Variants in XYLT1 observed in about 807,000 individuals in gnomAD.
XYLT1 encodes the protein xylosyltransferase 1.
A neutral mutation model predicts 91.3 loss-of-function variants in XYLT1; 36 were observed. The ratio of observed to expected loss-of-function variants is 0.39; its 90% CI spans 0.30 to 0.52. The LOEUF (loss-of-function observed/expected upper bound fraction) is 0.52. Ranked by LOEUF, XYLT1 falls within the 20% of genes least tolerant of loss-of-function variation. XYLT1 has a pLI of 0.68. For missense variants in XYLT1, 1,242 were observed against 1,284.5 expected, an observed-to-expected ratio of 0.97 and a Z score of 0.51; for synonymous variants, 588 against 532.0, an observed-to-expected ratio of 1.11 and a Z score of -1.45.
chr16:17,235,550 C>T (rs374339639), intron 3 of XYLT1, among the ~76,000 whole-genome samples: 4 of 152,228 alleles, frequency 2.6e-5, no homozygotes, highest in East Asian at 1.9e-4. Flanking sequence ...CTTGTATGCA[C>T]GAAAGGGACT....
intron 1 of XYLT1, among the ~76,000 whole-genome samples, chr16:17,429,334 C>T (rs1258360395): frequency 6.6e-6 from 1 of 152,226 alleles, no homozygotes; most frequent in Non-Finnish European, 1.5e-5. Flanking sequence ...ACCTGTTGAA[C>T]TGCTGATGAG....
rs560630621 is a variant in XYLT1, at chr16:17,145,078, G to A, written c.1371-3709C>T. Among the ~76,000 whole-genome samples the A allele has an allele frequency of 4.6e-5, 7 of 152,276 alleles. No individual in the cohort carries two copies. The South Asian group carries it at 1.2e-3, about 27-fold the overall frequency. On this transcript the variant is annotated intron_variant, in intron 6 of 11. Transcript: ENST00000261381. ...CATCAGTCTGTCTTCTGCCTCTATGGATTTACCAATTCTAGATATTTCATA... is the reference window on the plus strand; with the variant it reads ...CATCAGTCTGTCTTCTGCCTCTATGAATTTACCAATTCTAGATATTTCATA...
At chr16:17,337,775 CTTTTTCT>C (rs1280774938) in intron 2 of XYLT1, among the ~76,000 whole-genome samples, 9 of 114,192 alleles carry the variant, frequency 7.9e-5, no homozygotes, top group East Asian at 2.2e-4. Flanking sequence ...CACATTTTTT[CTTTTTCT>C]TTTTTTTTTT....
At chr16:17,128,880 G>A (rs893873139) in intron 9 of XYLT1, among the ~76,000 whole-genome samples, 1 of 152,086 alleles carries the variant, frequency 6.6e-6, no homozygotes, top group African/African-American at 2.4e-5. Flanking sequence ...TTTATAAGGC[G>A]CTTGTGGGTC....
chr16:17,301,729 G>A (rs1193253977), intron 2 of XYLT1, among the ~76,000 whole-genome samples: 1 of 152,154 alleles, frequency 6.6e-6, no homozygotes, highest in Admixed American at 6.5e-5. Flanking sequence ...AACAGGTGGC[G>A]AATGCTAATA....
chr16:17,273,568 G>T, intron 2 of XYLT1, among the ~76,000 whole-genome samples: 1 of 152,198 alleles, frequency 6.6e-6, no homozygotes, highest in East Asian at 1.9e-4. Context: ...AGTACGCCAG[G>T]CATGGTGGCT....
intron 5 of XYLT1, among the ~76,000 whole-genome samples, chr16:17,186,448 G>A (rs1303166946): frequency 2.0e-5 from 3 of 147,484 alleles, no homozygotes; most frequent in Non-Finnish European, 4.4e-5. Flanking sequence ...TTACAGGGGT[G>A]CACCACCACA....
chr16:17,303,047 C>T (rs1485280301), intron 2 of XYLT1, among the ~76,000 whole-genome samples: 1 of 152,168 alleles, frequency 6.6e-6, no homozygotes, highest in African/African-American at 2.4e-5. Flanking sequence ...ACTGGAGCTT[C>T]AGTCGTGATG....
intron 5 of XYLT1, among the ~76,000 whole-genome samples, chr16:17,163,108 CA>C (rs757852440): frequency 1.3e-5 from 2 of 152,144 alleles, no homozygotes; most frequent in Non-Finnish European, 2.9e-5. Flanking sequence ...TGTAAAGACC[CA>C]ACCTGATTTG....
At chr16:17,328,951 T>C (rs2034856104) in intron 2 of XYLT1, among the ~76,000 whole-genome samples, 1 of 152,252 alleles carries the variant, frequency 6.6e-6, no homozygotes, top group African/African-American at 2.4e-5. Flanking sequence ...CGTGTGTGCA[T>C]GTTCACATTT....
At chr16:17,433,986 G>C (rs372966331) in intron 1 of XYLT1, among the ~76,000 whole-genome samples, 14 of 152,070 alleles carry the variant, frequency 9.2e-5, no homozygotes, top group Non-Finnish European at 1.5e-4. Flanking sequence ...TCCATTTGGC[G>C]CCTTTAACGT....
chr16:17,447,415 C>CAG (rs1414536841), intron 1 of XYLT1, among the ~76,000 whole-genome samples: 1 of 152,230 alleles, frequency 6.6e-6, no homozygotes, highest in African/African-American at 2.4e-5. Context: ...GACCCTGTGC[C>CAG]AGGCTCTGGG....
intron 5 of XYLT1, among the ~76,000 whole-genome samples, chr16:17,167,270 ACTTCC>A (rs2031710532): frequency 6.6e-6 from 1 of 152,248 alleles, no homozygotes; most frequent in Non-Finnish European, 1.5e-5. Flanking sequence ...GAAGCCTACT[ACTTCC>A]CTTCAAGGGG....
intron 6 of XYLT1, among the ~76,000 whole-genome samples, chr16:17,153,946 G>T (rs1407462589): frequency 6.6e-6 from 1 of 152,158 alleles, no homozygotes. Flanking sequence ...AAGAACACAG[G>T]CCTTAAAGTC....
intron 3 of XYLT1, among the ~76,000 whole-genome samples, chr16:17,239,282 G>GATCC (rs2033299551): frequency 2.4e-5 from 3 of 123,126 alleles, no homozygotes; most frequent in South Asian, 5.5e-4. Context: ...ATCCATCCAT[G>GATCC]ATCCATCCAT....
At chr16:17,404,748 C>CA (rs5815925) in intron 1 of XYLT1, among the ~76,000 whole-genome samples, 70,564 of 127,526 alleles carry the variant, frequency 0.55, 17,276 homozygotes, top group African/African-American at 0.66. Flanking sequence ...CCAGTTTGGG[C>CA]ATATATTGAG....
chr16:17,402,769 G>T (rs1383228973), intron 1 of XYLT1, among the ~76,000 whole-genome samples: 2 of 147,122 alleles, frequency 1.4e-5, no homozygotes, highest in African/African-American at 2.5e-5. Context: ...AAGAGATAGG[G>T]TCTTACTCTA....
chr16:17,341,703 T>A (rs2035065427), intron 2 of XYLT1, among the ~76,000 whole-genome samples: 2 of 152,204 alleles, frequency 1.3e-5, no homozygotes. Context: ...CTCTGAAGAA[T>A]AGGTATAGGA....
At chr16:17,155,343 T>C (rs1264132207) in intron 6 of XYLT1, among the ~76,000 whole-genome samples, 2 of 151,436 alleles carry the variant, frequency 1.3e-5, no homozygotes, top group Non-Finnish European at 1.5e-5. Context: ...ACAGAACTAA[T>C]AGAGAGTCTG....
Sources: gnomAD v4.1 joint callset for allele counts (sites outside exome capture counted in the v4.1 genomes callset) on GRCh38, gnomAD v4.1.1 for gene constraint, MANE v1.5 for transcripts, NCBI Gene and HGNC (gene_info 2026-07-23, HGNC 2026-07-21) for gene names.